Variants in DMXL1 observed in about 807,000 individuals in gnomAD.
DMXL1 encodes dmX-like protein 1.
DMXL1 carries 99 observed loss-of-function variants against 319.2 expected under a neutral mutation model. The ratio of observed to expected loss-of-function variants is 0.31; its 90% CI spans 0.26 to 0.37. DMXL1 has a LOEUF of 0.37. Among genes scored for constraint, DMXL1 ranks in the 10% least tolerant of loss-of-function variants. The pLI is 1.00. For synonymous variants in DMXL1, 1,385 were observed against 1,235.2 expected, an observed-to-expected ratio of 1.12 and a Z score of -2.54; for missense variants, 3,745 against 3,595.6, an observed-to-expected ratio of 1.04 and a Z score of -1.06.
chr5:119,108,733 T>C (rs1758904044), intron 4 of DMXL1, among the ~76,000 whole-genome samples: 1 of 152,020 alleles, frequency 6.6e-6, no homozygotes, highest in Middle Eastern at 3.2e-3. Flanking sequence ...ACAATACTTT[T>C]TGAAATGGCT....
At position 119,150,028 on chromosome 5, in the gene DMXL1, G is replaced by A; in HGVS notation, c.4201G>A (p.Asp1401Asn). Residue 1401 changes from aspartate (D) to asparagine (N), a missense_variant, in exon 18 of 44, where the codon GAT becomes AAT. Transcript: ENST00000539542. ...KAENTDYTEI[D>N]SVPPLPLYAL... is the part of the protein sequence containing the mutation. ...TGAAAATACAGATTACACAGAAATA[G>A]ATTCTGTTCCTCCACTTCCTTTATA... is the stretch of plus-strand genomic sequence containing the variant. 1 of 1,613,876 alleles carries A rather than the reference G, an allele frequency of 6.2e-7. No homozygotes were observed. Among genetic ancestry groups the A allele is most frequent in the Non-Finnish European group, 8.5e-7 (1 of 1,179,830 alleles).
At chr5:119,239,135 T>C (rs1288684632) in intron 41 of DMXL1, 55 bp downstream of exon 41, 1 of 1,571,712 alleles carries the variant, frequency 6.4e-7, no homozygotes, top group East Asian at 2.3e-5. Context: ...AACTTTTTTT[T>C]ATTGTTTCTG....
At chr5:119,108,916 C>G (rs970238472) in intron 4 of DMXL1, among the ~76,000 whole-genome samples, 3 of 152,100 alleles carry the variant, frequency 2.0e-5, no homozygotes, top group African/African-American at 7.2e-5. Context: ...ATTCTCCTGC[C>G]TCAGCCTCCT....
intron 30 of DMXL1, among the ~76,000 whole-genome samples, chr5:119,195,553 A>T (rs746044308): frequency 1.6e-4 from 25 of 152,168 alleles, no homozygotes; most frequent in Non-Finnish European, 2.9e-4. Flanking sequence ...ATAAAAATAA[A>T]ATAGTGGTTT....
chr5:119,165,051 A>C, intron 20 of DMXL1, 132 bp from the exon 21 acceptor site: 1 of 612,622 alleles, frequency 1.6e-6, no homozygotes. Flanking sequence ...ATATACATGC[A>C]CATATTATTC....
At chr5:119,200,085 C>G (rs1474285809) in intron 32 of DMXL1, among the ~76,000 whole-genome samples, 1 of 152,096 alleles carries the variant, frequency 6.6e-6, no homozygotes, top group Non-Finnish European at 1.5e-5. Context: ...TAATTAGATC[C>G]TATTTGTCAA....
chr5:119,155,835 A>C (rs1159646791), intron 19 of DMXL1, among the ~76,000 whole-genome samples: 1 of 151,890 alleles, frequency 6.6e-6, no homozygotes, highest in African/African-American at 2.4e-5. Flanking sequence ...TCAAAAAAAA[A>C]AAAAAAAAAC....
intron 28 of DMXL1, among the ~76,000 whole-genome samples, chr5:119,180,191 A>G (rs1219076446): frequency 6.6e-6 from 1 of 152,208 alleles, no homozygotes; most frequent in African/African-American, 2.4e-5. Flanking sequence ...ACTGAAGTTA[A>G]TATTTTGGGA....
chr5:119,173,614 G>A (rs930807149), intron 25 of DMXL1, among the ~76,000 whole-genome samples: 1 of 150,262 alleles, frequency 6.7e-6, no homozygotes, highest in Non-Finnish European at 1.5e-5. Flanking sequence ...TCATCCTCCA[G>A]CAGGCAAGCC....
Position 119,147,262 on chromosome 5 carries a change from T to C in DMXL1, c.2703T>C (p.Asp901=), listed in dbSNP as rs780057317. 3 of 1,612,604 alleles carry C rather than the reference T, an allele frequency of 1.9e-6. No individual in the cohort carries two copies. The highest frequency in any genetic ancestry group is 2.2e-5 in the East Asian group (1 of 44,846). ...TATGTTTTGTAGATGAAAAAGTAGA[T>C]ACAAAATTATCCGAAGCGGTTTGGC... The part of the protein sequence containing the change: ...SIPVSLDEKV[D]TKLSEAVWQP... Residue 901 remains aspartate, a synonymous_variant, in exon 17 of 44, where the codon GAT becomes GAC. Coordinates refer to ENST00000539542, the MANE Select transcript of DMXL1 (RefSeq NM_001290321.3).
chr5:119,073,692 T>A (rs980318063), intron 1 of DMXL1, among the ~76,000 whole-genome samples: 8 of 152,102 alleles, frequency 5.3e-5, no homozygotes, highest in Non-Finnish European at 8.8e-5. Flanking sequence ...TAAAAATAAA[T>A]TTTTAAGTAT....
chr5:119,160,692 C>T (rs1772088301), intron 19 of DMXL1, among the ~76,000 whole-genome samples: 1 of 152,024 alleles, frequency 6.6e-6, no homozygotes, highest in Admixed American at 6.5e-5. Context: ...GTCTAAGTGC[C>T]TCTGTTGTTG....
intron 37 of DMXL1, among the ~76,000 whole-genome samples, chr5:119,223,694 GATTTTACAT>G (rs1490013444): frequency 6.6e-6 from 1 of 151,976 alleles, no homozygotes; most frequent in Non-Finnish European, 1.5e-5. Context: ...CTAAAATAAT[GATTTTACAT>G]ATTTTACATA....
chr5:119,229,648 C>T, intron 38 of DMXL1, among the ~76,000 whole-genome samples: 1 of 152,160 alleles, frequency 6.6e-6, no homozygotes, highest in Admixed American at 6.5e-5. Flanking sequence ...CATAGCTTCA[C>T]ATTCCAAAAA....
chr5:119,130,524 G>A (rs1764635107), intron 10 of DMXL1, among the ~76,000 whole-genome samples: 2 of 151,996 alleles, frequency 1.3e-5, no homozygotes, highest in Admixed American at 6.6e-5. Context: ...TTTATTTTTA[G>A]TCAAGACAGG....
At position 119,248,043 on chromosome 5, in the gene DMXL1, A is replaced by G. The variant is rs926938490; in HGVS notation, c.*824A>G. 4 of 152,148 alleles carry G rather than the reference A, an allele frequency of 2.6e-5. No homozygotes were observed. The highest frequency in any genetic ancestry group is 9.7e-5 in the African/African-American group (4 of 41,442). 9.4% of individuals were successfully genotyped at this position (152,148 alleles called of 1,614,324 possible). A position where few individuals can be genotyped will look rare whatever the true frequency, so the allele number is the denominator to read the frequency against. On this transcript the variant is annotated 3_prime_UTR_variant, in exon 44 of 44. Coordinates refer to ENST00000539542, the MANE Select transcript of DMXL1 (RefSeq NM_001290321.3). The stretch of plus-strand genomic sequence containing the variant: ...TATTTTAAAGATTAGATTTAGTCAA[A>G]TAAGTCTTAGCAGGCAATAAAGTTT...
chr5:119,083,127 C>T (rs1323953411), intron 1 of DMXL1, among the ~76,000 whole-genome samples: 3 of 152,104 alleles, frequency 2.0e-5, no homozygotes, highest in Non-Finnish European at 4.4e-5. Context: ...TGTTGTGCCT[C>T]AGCCTCCCCA....
At chr5:119,159,544 A>G (rs1035793523) in intron 19 of DMXL1, among the ~76,000 whole-genome samples, 1 of 152,264 alleles carries the variant, frequency 6.6e-6, no homozygotes, top group African/African-American at 2.4e-5. Context: ...GTTGGCATAT[A>G]TCTGCATATT....
chr5:119,095,549 A>T (rs1039346288), intron 1 of DMXL1, among the ~76,000 whole-genome samples: 1 of 152,240 alleles, frequency 6.6e-6, no homozygotes, highest in Admixed American at 6.5e-5. Context: ...AACAAAGGTG[A>T]AGTTGTGAAG....
Sources: gnomAD v4.1 joint callset for allele counts (sites outside exome capture counted in the v4.1 genomes callset) on GRCh38, gnomAD v4.1.1 for gene constraint, MANE v1.5 for transcripts, NCBI Gene and HGNC (gene_info 2026-07-23, HGNC 2026-07-21) for gene names.